FAM107B: variants seen among roughly 807,000 people sequenced by gnomAD.
The protein encoded by FAM107B is protein FAM107B.
In FAM107B, 21 loss-of-function variants were observed where a neutral mutation model predicts 31.5. The observed-to-expected ratio is 0.67, with a 90% CI of 0.47 to 0.96. The LOEUF is 0.96. FAM107B is among the 40% of genes least tolerant of loss of function. The pLI is 0.00. For synonymous variants in FAM107B, 157 were observed against 141.5 expected, an observed-to-expected ratio of 1.11 and a Z score of -0.78; for missense variants, 452 against 377.1, an observed-to-expected ratio of 1.20 and a Z score of -1.64.
At chr10:14,653,421 C>T (rs1216104119) in intron 2 of FAM107B, among the ~76,000 whole-genome samples, 1 of 152,216 alleles carries the variant, frequency 6.6e-6, no homozygotes, top group Non-Finnish European at 1.5e-5. Context: ...TTCACATCAC[C>T]AGCCTTGCTG....
intron 2 of FAM107B, among the ~76,000 whole-genome samples, chr10:14,621,798 T>C (rs1167450517): frequency 6.6e-6 from 1 of 151,062 alleles, no homozygotes. Flanking sequence ...AGCTCGCTTG[T>C]TAGCTGCTGA....
intron 2 of FAM107B, among the ~76,000 whole-genome samples, chr10:14,620,106 G>A (rs1229924137): frequency 3.5e-5 from 5 of 142,976 alleles, no homozygotes; most frequent in Admixed American, 7.5e-5. Flanking sequence ...TGAAACCTCC[G>A]CTCCCAGGTT....
chr10:14,535,573 A>G (rs1336558681), intron 2 of FAM107B, among the ~76,000 whole-genome samples: 2 of 151,246 alleles, frequency 1.3e-5, no homozygotes, highest in African/African-American at 4.8e-5. Context: ...AACTAACATA[A>G]GAAGCTTCTG....
intron 1 of FAM107B, among the ~76,000 whole-genome samples, chr10:14,729,595 G>A (rs943676442): frequency 2.6e-5 from 4 of 152,168 alleles, no homozygotes; most frequent in Admixed American, 2.6e-4. Context: ...CTGTAGACCC[G>A]TGGTTCACAA....
chr10:14,676,819 GA>G (rs1854693706), intron 1 of FAM107B, among the ~76,000 whole-genome samples: 1 of 152,222 alleles, frequency 6.6e-6, no homozygotes, highest in African/African-American at 2.4e-5. Flanking sequence ...TGTGGCACCT[GA>G]AAAAGTTGTT....
chr10:14,680,889 T>C (rs1055220108), intron 1 of FAM107B, among the ~76,000 whole-genome samples: 1 of 152,094 alleles, frequency 6.6e-6, no homozygotes, highest in African/African-American at 2.4e-5. Context: ...TCCACAGTGG[T>C]TGATCTCAGC....
At chr10:14,647,387 T>C (rs1853784122) in intron 2 of FAM107B, among the ~76,000 whole-genome samples, 1 of 151,982 alleles carries the variant, frequency 6.6e-6, no homozygotes. Context: ...CCTATAAAAT[T>C]GCTAATTCAG....
At chr10:14,523,310 G>A (rs1052862757) in intron 3 of FAM107B, among the ~76,000 whole-genome samples, 11 of 148,746 alleles carry the variant, frequency 7.4e-5, no homozygotes, top group South Asian at 6.4e-4. Flanking sequence ...AATTTACCAG[G>A]ACAATTTAAA....
At chr10:14,655,805 C>A (rs921132098) in intron 2 of FAM107B, among the ~76,000 whole-genome samples, 9 of 152,150 alleles carry the variant, frequency 5.9e-5, no homozygotes, top group African/African-American at 9.7e-5. Context: ...TCCCTGGGAG[C>A]CAGCTCCACA....
In FAM107B at chr10:14,723,705, C is replaced by A. The variant is rs61842964; in HGVS notation, c.411+50548G>T. 8 of 755,588 alleles carry A rather than the reference C, an allele frequency of 1.1e-5. No individual in the cohort carries two copies. The African/African-American group carries it at 1.2e-4, about 11-fold the overall frequency. The allele number at this position is 755,588 out of a possible 1,614,324, so 46.8% of individuals were successfully genotyped here. On this transcript the variant is annotated intron_variant, in intron 1 of 4. Coordinates refer to ENST00000181796, the MANE Select transcript of FAM107B (RefSeq NM_031453.4). ...CAGTAACCACAAGAAGTCATGGCTC[C>A]CAGAAGGCTGCCTGGATCTGGTTAG...
Position 14,697,391 on chromosome 10 carries a change from G to A in FAM107B, c.412-29700C>T, listed in dbSNP as rs75739166. Among the ~76,000 whole-genome samples, 1,256 of 152,274 alleles carry A rather than the reference G, an allele frequency of 8.2e-3. 15 individuals carry two copies. Among genetic ancestry groups the A allele is most frequent in the Non-Finnish European group, 0.013 (854 of 68,028 alleles). On this transcript the variant is annotated intron_variant, in intron 1 of 4. Transcript: ENST00000181796. ...GAATCATTTTCAGAGCAAGTACCAC[G>A]TGTTTTTGAAATAATGCAGGGCTCT...
intron 2 of FAM107B, among the ~76,000 whole-genome samples, chr10:14,629,451 T>C (rs74217013): frequency 0.67 from 54,586 of 81,072 alleles, 19,237 homozygotes; most frequent in Middle Eastern, 0.8. Flanking sequence ...ATATATTATA[T>C]ATATATTATA....
chr10:14,590,092 G>A (rs1246820174), intron 2 of FAM107B, among the ~76,000 whole-genome samples: 1 of 152,292 alleles, frequency 6.6e-6, no homozygotes, highest in African/African-American at 2.4e-5. Flanking sequence ...ATCATTAGCT[G>A]TGTGGTCTTG....
intron 2 of FAM107B, among the ~76,000 whole-genome samples, chr10:14,667,417 G>A (rs560499778): frequency 6.6e-6 from 1 of 152,280 alleles, no homozygotes; most frequent in South Asian, 2.1e-4. Context: ...ATCAATAAAA[G>A]AAAGAAGACA....
intron 1 of FAM107B, among the ~76,000 whole-genome samples, chr10:14,754,333 T>C (rs1007181497): frequency 1.3e-5 from 2 of 152,214 alleles, no homozygotes; most frequent in Non-Finnish European, 2.9e-5. Context: ...ACGGTGCCCC[T>C]GTCCTGCTGA....
At chr10:14,596,267 T>C (rs1418402897) in intron 2 of FAM107B, among the ~76,000 whole-genome samples, 1 of 152,150 alleles carries the variant, frequency 6.6e-6, no homozygotes, top group Non-Finnish European at 1.5e-5. Flanking sequence ...TCCAGCCCCC[T>C]GAACTGACTT....
chr10:14,704,861 T>C (rs112469010), intron 1 of FAM107B, among the ~76,000 whole-genome samples: 48 of 151,900 alleles, frequency 3.2e-4, no homozygotes, highest in African/African-American at 1.0e-3. Flanking sequence ...CCATCTCTAC[T>C]AAAAATACAA....
intron 1 of FAM107B, among the ~76,000 whole-genome samples, chr10:14,683,215 T>C: frequency 7.2e-6 from 1 of 139,598 alleles, no homozygotes; most frequent in East Asian, 2.1e-4. Flanking sequence ...TTATTTTGAT[T>C]TTTGGGAAAT....
chr10:14,606,216 T>G (rs1248604207), intron 2 of FAM107B, among the ~76,000 whole-genome samples: 1 of 152,110 alleles, frequency 6.6e-6, no homozygotes, highest in East Asian at 1.9e-4. Context: ...TATATGGCCT[T>G]GTCATGCTCT....
Sources: allele counts gnomAD v4.1 joint callset (sites outside exome capture counted in the v4.1 genomes callset), GRCh38; gene constraint gnomAD v4.1.1; transcripts MANE v1.5; gene names NCBI Gene and HGNC (gene_info 2026-07-23, HGNC 2026-07-21).